Variants in LPP observed in about 807,000 individuals in gnomAD.
LPP encodes the protein lipoma-preferred partner.
A neutral mutation model predicts 60.4 loss-of-function variants in LPP; 38 were observed. The ratio of observed to expected loss-of-function variants is 0.63; its 90% CI spans 0.49 to 0.83. LPP has a LOEUF of 0.83. LPP is among the 40% of genes least tolerant of loss of function. The pLI, the probability that LPP is intolerant of heterozygous loss-of-function variation, is 0.00. For missense variants in LPP, 902 were observed against 783.6 expected (o/e 1.15, Z -1.80); for synonymous variants, 328 against 290.8 (o/e 1.13, Z -1.30).
intron 4 of LPP, among the ~76,000 whole-genome samples, chr3:188,446,972 C>T (rs185864084): frequency 6.6e-6 from 1 of 152,286 alleles, no homozygotes; most frequent in African/African-American, 2.4e-5. Flanking sequence ...GATGGTGTCT[C>T]TCCTTTAGCA....
At chr3:188,631,590 A>G (rs560878837) in intron 7 of LPP, among the ~76,000 whole-genome samples, 2 of 152,230 alleles carry the variant, frequency 1.3e-5, no homozygotes, top group African/African-American at 4.8e-5. Flanking sequence ...ACATCTGACT[A>G]TTGGTTGAAT....
rs139370552 is a variant in LPP, at chr3:188,598,143, T to C, written c.430-11018T>C. Among the ~76,000 whole-genome samples the C allele has an allele frequency of 8.1e-3, 1,239 of 152,178 alleles. 7 individuals are homozygous for C. The highest frequency in any genetic ancestry group is 0.011 in the Non-Finnish European group (773 of 67,992). On this transcript the variant is annotated intron_variant, in intron 6 of 11. Coordinates refer to ENST00000617246, the MANE Select transcript of LPP (RefSeq NM_001375462.1). ...TGTTCAAATCAGGGCAACCACAGGATAGCTGGAGTGTTGACTCCTGTGTAG... is the reference window on the plus strand; with the variant it reads ...TGTTCAAATCAGGGCAACCACAGGACAGCTGGAGTGTTGACTCCTGTGTAG...
intron 2 of LPP, among the ~76,000 whole-genome samples, chr3:188,284,735 G>A (rs1177842685): frequency 2.0e-5 from 3 of 152,128 alleles, no homozygotes; most frequent in South Asian, 4.1e-4. Context: ...ATTTGATTAC[G>A]GTGCTAAGTT....
At chr3:188,589,182 G>A (rs1221319584) in intron 6 of LPP, among the ~76,000 whole-genome samples, 1 of 151,858 alleles carries the variant, frequency 6.6e-6, no homozygotes, top group Non-Finnish European at 1.5e-5. Context: ...ACTTTTGAGT[G>A]TACATGATGT....
chr3:188,169,964 G>A (rs534241664), intron 1 of LPP, among the ~76,000 whole-genome samples: 27 of 152,342 alleles, frequency 1.8e-4, no homozygotes, highest in Non-Finnish European at 3.1e-4. Context: ...ATGGAGGAGC[G>A]CTGGGTCTAG....
intron 1 of LPP, chr3:188,212,708 T>C (rs1450530412): frequency 6.6e-6 from 1 of 150,766 alleles, no homozygotes; most frequent in Non-Finnish European, 1.5e-5. Context: ...GGCGAGAATG[T>C]CTCAGTTCTG....
intron 9 of LPP, among the ~76,000 whole-genome samples, chr3:188,816,226 G>A (rs1752452297): frequency 7.6e-6 from 1 of 130,738 alleles, no homozygotes; most frequent in African/African-American, 2.9e-5. Context: ...TTTTGAGATG[G>A]AGTCTCGCTC....
chr3:188,227,155 TTTTA>T (rs1310203002), intron 2 of LPP, among the ~76,000 whole-genome samples: 1 of 151,834 alleles, frequency 6.6e-6, no homozygotes, highest in East Asian at 1.9e-4. Context: ...TGGAAGAGAC[TTTTA>T]TTTATTTATT....
intron 8 of LPP, among the ~76,000 whole-genome samples, chr3:188,732,661 T>G (rs1721046305): frequency 7.6e-6 from 1 of 132,146 alleles, no homozygotes. Flanking sequence ...GAGGTTGCAG[T>G]GAGCCAAGAT....
At chr3:188,189,883 A>G (rs2148984354) in intron 1 of LPP, among the ~76,000 whole-genome samples, 1 of 152,134 alleles carries the variant, frequency 6.6e-6, no homozygotes, top group Non-Finnish European at 1.5e-5. Flanking sequence ...AGATGCTGCA[A>G]GCGAAGAGGG....
chr3:188,337,148 G>T (rs909795650), intron 2 of LPP, among the ~76,000 whole-genome samples: 7 of 152,140 alleles, frequency 4.6e-5, no homozygotes, highest in Non-Finnish European at 8.8e-5. Context: ...CTCGGCTTGG[G>T]GATGTCGGGC....
chr3:188,264,636 A>G (rs1422636764), intron 2 of LPP, among the ~76,000 whole-genome samples: 7 of 152,114 alleles, frequency 4.6e-5, no homozygotes, highest in South Asian at 2.1e-4. Flanking sequence ...CTGTTTGTCA[A>G]ATAACTCTCT....
At chr3:188,501,604 C>A (rs1256671024) in intron 5 of LPP, among the ~76,000 whole-genome samples, 5 of 152,082 alleles carry the variant, frequency 3.3e-5, no homozygotes, top group Non-Finnish European at 7.3e-5. Context: ...AAAAAATTAG[C>A]CGGGCGTGGT....
At chr3:188,714,697 G>A (rs557935377) in intron 8 of LPP, among the ~76,000 whole-genome samples, 2 of 152,142 alleles carry the variant, frequency 1.3e-5, no homozygotes, top group African/African-American at 4.8e-5. Context: ...TTAGGTAAAT[G>A]CCACAGATGT....
intron 9 of LPP, among the ~76,000 whole-genome samples, chr3:188,827,708 G>T (rs560370982): frequency 6.6e-6 from 1 of 152,132 alleles, no homozygotes; most frequent in African/African-American, 2.4e-5. Context: ...CAGGGGTAGG[G>T]GGAAGATTCC....
chr3:188,473,898 G>C (rs1042913474), intron 4 of LPP, among the ~76,000 whole-genome samples: 1 of 152,162 alleles, frequency 6.6e-6, no homozygotes, highest in African/African-American at 2.4e-5. Context: ...GGTGACTTGA[G>C]GATGAAGACT....
chr3:188,426,752 T>C (rs1789470945), intron 4 of LPP, among the ~76,000 whole-genome samples: 1 of 152,228 alleles, frequency 6.6e-6, no homozygotes, highest in Non-Finnish European at 1.5e-5. Context: ...ATGTCTGTTT[T>C]ATCAGAGACT....
chr3:188,448,751 T>C (rs546291813), intron 4 of LPP, among the ~76,000 whole-genome samples: 1 of 152,252 alleles, frequency 6.6e-6, no homozygotes, highest in African/African-American at 2.4e-5. Flanking sequence ...CCAAACAACA[T>C]TTGTAAAGAA....
chr3:188,407,533 T>C (rs1783800095), intron 4 of LPP, among the ~76,000 whole-genome samples: 1 of 152,198 alleles, frequency 6.6e-6, no homozygotes, highest in African/African-American at 2.4e-5. Flanking sequence ...CTCAGAAAGC[T>C]GCTCTTGAAA....
Sources: allele counts gnomAD v4.1 joint callset (sites outside exome capture counted in the v4.1 genomes callset), GRCh38; gene constraint gnomAD v4.1.1; transcripts MANE v1.5; gene names NCBI Gene and HGNC (gene_info 2026-07-23, HGNC 2026-07-21).